Variants in FIZ1 observed in about 807,000 individuals in gnomAD.
FIZ1 encodes the protein FLT3 interacting zinc finger 1, also known as flt3-interacting zinc finger protein 1.
Under a neutral mutation model 5.3 loss-of-function variants are expected in FIZ1, and 2 were observed. The observed-to-expected ratio is 0.37, with a 90% CI of 0.15 to 1.18. The LOEUF (loss-of-function observed/expected upper bound fraction) is 1.18. Ranked by LOEUF, FIZ1 falls within the 50% of genes most tolerant of loss-of-function variation. The pLI, the probability that FIZ1 is intolerant of heterozygous loss-of-function variation, is 0.37. For synonymous variants in FIZ1, 407 were observed against 364.2 expected (o/e 1.12, Z -1.34); for missense variants, 631 against 749.7 (o/e 0.84, Z 1.85).
rs1876192676 is a variant in FIZ1, at chr19:55,592,325, C to T, written c.*125G>A. ...CCCACCTCTCCAGTCAGGGTCCCCT[C>T]ATTTCAGGGCCTGCGTCTGGATTTG... is the stretch of plus-strand genomic sequence containing the variant. On this transcript the variant is annotated 3_prime_UTR_variant, in exon 3 of 3. Transcript: ENST00000221665. This position sits in a 1 kb window ranked among gnomAD's most constrained non-coding sequence, Gnocchi z 6.9. 1 of 1,032,938 alleles carries T rather than the reference C, an allele frequency of 9.7e-7. No homozygotes were observed. The highest frequency in any genetic ancestry group is 1.6e-5 in the African/African-American group (1 of 61,048). 64.0% of individuals were successfully genotyped at this position (1,032,938 alleles called of 1,614,324 possible).
intron 1 of FIZ1, chr19:55,598,216 T>A (rs56134537): frequency 0.092 from 28,494 of 311,230 alleles, 1,516 homozygotes; most frequent in Middle Eastern, 0.13. Context: ...TTTAAGCCTC[T>A]CCCACTCTTC....
chr19:55,592,293 G>T lies in FIZ1; in HGVS notation c.*157C>A. On this transcript the variant is annotated 3_prime_UTR_variant, in exon 3 of 3. Transcript: ENST00000221665. The surrounding 1 kb of genome is among the most constrained non-coding windows in gnomAD (Gnocchi z 6.9). Reference sequence around the variant, plus strand: ...AGCTCCGGGGCCTTTGTGGGTTTTTGGTGGCCCCCACCTCTCCAGTCAGGG... The same window carrying T: ...AGCTCCGGGGCCTTTGTGGGTTTTTTGTGGCCCCCACCTCTCCAGTCAGGG... 3 of 791,742 alleles carry T rather than the reference G, an allele frequency of 3.8e-6. No homozygotes were observed. Among genetic ancestry groups the T allele is most frequent in the Non-Finnish European group, 5.7e-6 (3 of 524,498 alleles). The allele number at this position is 791,742 out of a possible 1,614,324, so 49.0% of individuals were successfully genotyped here. A position where few individuals can be genotyped will look rare whatever the true frequency, so the allele number is the denominator to read the frequency against.
chr19:55,593,172 C>A lies in FIZ1; in HGVS notation c.769G>T (p.Ala257Ser). Residue 257 changes from alanine (A) to serine (S), a missense_variant, in exon 3 of 3, where the codon GCG becomes TCG. Ala to Ser is a moderately conservative substitution (Grantham distance 99, BLOSUM62 1). Around this residue, in one of 4 missense-constraint regions of FIZ1, gnomAD observed 463 missense variants for 455.1 expected, o/e 1.02. Transcript: ENST00000221665. The surrounding 1 kb of genome is among the most constrained non-coding windows in gnomAD (Gnocchi z 6.3). ...GCGGCCCAGGCCTGCGCTGGGGGCG[C>A]GCCCGGGCCCTGCAGGTCGTGCGTC... is the stretch of plus-strand genomic sequence containing the variant. ...KLTHDLQGPG[A>S]PPAQAWAAGP... 5.2e-6 allele frequency: 6 copies of A among 1,161,356 alleles called. No individual in the cohort carries two copies. The highest frequency in any genetic ancestry group is 6.4e-6 in the Non-Finnish European group (6 of 938,270). The allele number at this position is 1,161,356 out of a possible 1,614,324, so 71.9% of individuals were successfully genotyped here.
In FIZ1 at chr19:55,597,816, G is replaced by A; in HGVS notation, c.50C>T (p.Ala17Val). ...GCAGTGAAACGGGACCCTGGGGGCG[G>A]CAGCGGCGGGCGGTGCTGGTGCAGG... Reference protein sequence around the residue: ...PTPAPAPPAAAAPRVPFHCSE... With the variant: ...PTPAPAPPAAVAPRVPFHCSE... Residue 17 changes from alanine to valine, a missense_variant, in exon 2 of 3, where the codon GCC becomes GTC. Transcript: ENST00000221665. 1.2e-6 allele frequency: 2 copies of A among 1,612,210 alleles called. No individual in the cohort carries two copies. The highest frequency in any genetic ancestry group is 1.7e-6 in the Non-Finnish European group (2 of 1,179,198).
intron 2 of FIZ1, among the ~76,000 whole-genome samples, chr19:55,595,248 T>G (rs1318564455): frequency 1.3e-5 from 2 of 151,818 alleles, no homozygotes; most frequent in Middle Eastern, 3.2e-3. Flanking sequence ...GAACAGGGAG[T>G]GATGTTCATT....
At chr19:55,595,298 T>A (rs889404651) in intron 2 of FIZ1, among the ~76,000 whole-genome samples, 2 of 152,208 alleles carry the variant, frequency 1.3e-5, no homozygotes, top group Non-Finnish European at 2.9e-5. Context: ...TGCTGTACAG[T>A]GTGGGTGTAG....
chr19:55,593,795 T>C lies in FIZ1; in HGVS notation c.295-149A>G, dbSNP rs10411640. 128,544 of 735,980 alleles carry C rather than the reference T, an allele frequency of 0.17. 13,189 individuals carry two copies. Among genetic ancestry groups the C allele is most frequent in the African/African-American group, 0.34 (19,348 of 56,284 alleles). 45.6% of individuals were successfully genotyped at this position (735,980 alleles called of 1,614,324 possible). The stretch of plus-strand genomic sequence containing the variant: ...GAAACGCTCGTCCTATCACTCTCTG[T>C]TTGGGGTCACGGTAGATTCTTTCGG... On this transcript the variant is annotated intron_variant, in intron 2 of 2. Coordinates refer to ENST00000221665, the MANE Select transcript of FIZ1 (RefSeq NM_032836.3). This position sits in a 1 kb window ranked among gnomAD's most constrained non-coding sequence, Gnocchi z 6.3.
intron 2 of FIZ1, among the ~76,000 whole-genome samples, chr19:55,594,725 A>T (rs1980241872): frequency 6.9e-6 from 1 of 145,954 alleles, no homozygotes. Context: ...AAAAGAAATC[A>T]CTATCGGTGG....
In FIZ1 at chr19:55,593,685, G is replaced by C; in HGVS notation, c.295-39C>G. ...AGGAAGGGCACAACGTCAGGGCTGA[G>C]AACCTAGCCCGGACAACGGATTCCT... On this transcript the variant is annotated intron_variant, in intron 2 of 2. Transcript: ENST00000221665. This position sits in a 1 kb window ranked among gnomAD's most constrained non-coding sequence, Gnocchi z 6.3. The C allele has an allele frequency of 6.5e-7, 1 of 1,534,102 alleles. No individual in the cohort carries two copies. Among genetic ancestry groups the C allele is most frequent in the Non-Finnish European group, 8.8e-7 (1 of 1,132,480 alleles).
chr19:55,597,432 G>A, intron 2 of FIZ1, 140 bp downstream of exon 2: 1 of 1,423,220 alleles, frequency 7.0e-7, no homozygotes, highest in Non-Finnish European at 9.2e-7. Flanking sequence ...TTGGTAGGGA[G>A]GGAGGGACAT....
intron 1 of FIZ1, 188 bp from the exon 2 acceptor site, chr19:55,598,089 C>T: frequency 1.5e-6 from 1 of 686,854 alleles, no homozygotes; most frequent in Non-Finnish European, 2.4e-6. Context: ...GGCTCCACGC[C>T]TGTGGCAAAA....
chr19:55,593,135 G>T lies in FIZ1; in HGVS notation c.806C>A (p.Ala269Glu). Residue 269 changes from alanine (A) to glutamate (E), a missense_variant, in exon 3 of 3, where the codon GCA (alanine) becomes GAA (glutamate). Physicochemically the swap from Ala to Glu is moderately radical, Grantham distance 107 (BLOSUM62 -1). Coordinates refer to ENST00000221665, the MANE Select transcript of FIZ1 (RefSeq NM_032836.3). The surrounding 1 kb of genome is among the most constrained non-coding windows in gnomAD (Gnocchi z 6.3). ...PAQAWAAGPG[A>E]GPETAGEGTA... ...GCCTTCGCCCGCCGTCTCGGGCCCT[G>T]CGCCTGGCCCCGCGGCCCAGGCCTG... is the stretch of plus-strand genomic sequence containing the variant. The T allele has an allele frequency of 8.2e-7, 1 of 1,218,416 alleles. No homozygotes were observed. The highest frequency in any genetic ancestry group is 1.0e-6 in the Non-Finnish European group (1 of 975,062). 75.5% of individuals were successfully genotyped at this position (1,218,416 alleles called of 1,614,324 possible).
chr19:55,594,096 C>CA (rs907400776), intron 2 of FIZ1, among the ~76,000 whole-genome samples: 10 of 150,318 alleles, frequency 6.7e-5, no homozygotes, highest in South Asian at 2.2e-4. Flanking sequence ...TCAAAAAAAA[C>CA]AAAAAAACAC....
Position 55,593,947 on chromosome 19 carries a change from A to G in FIZ1, c.295-301T>C, listed in dbSNP as rs138099958. On this transcript the variant is annotated intron_variant, in intron 2 of 2. Transcript: ENST00000221665. The surrounding 1 kb of genome is among the most constrained non-coding windows in gnomAD (Gnocchi z 6.3). ...ACACAGGGAAACCTTGTCTCTACAA[A>G]TAATTTTAAAAACTAGCTGGACACG... Among the ~76,000 whole-genome samples, 3 of 152,206 alleles carry G rather than the reference A, an allele frequency of 2.0e-5. No individual in the cohort carries two copies. In the East Asian group the frequency reaches 5.8e-4, roughly 29 times the overall value.
At chr19:55,596,577 G>C (rs1052384211) in intron 2 of FIZ1, among the ~76,000 whole-genome samples, 5 of 133,020 alleles carry the variant, frequency 3.8e-5, no homozygotes, top group Non-Finnish European at 6.4e-5. Flanking sequence ...TCACACTGCA[G>C]GTTGGCTCAG....
rs138734721 is a variant in FIZ1, at chr19:55,592,711, G to A, written c.1230C>T (p.Gly410=). 1.4e-4 allele frequency: 231 copies of A among 1,612,760 alleles called. 1 individual carries two copies. Among genetic ancestry groups the A allele is most frequent in the Middle Eastern group, 6.6e-4 (4 of 6,060 alleles). ...SGEPPSGSGR[G]KKIFGCSECE... ...ACTCGGAGCAGCCGAAGATCTTCTT[G>A]CCGCGGCCGGAGCCAGACGGGGGTT... is the stretch of plus-strand genomic sequence containing the variant. The change falls in exon 3 of 3, where the codon GGC becomes GGT. Residue 410 remains glycine (G), a synonymous_variant. Transcript: ENST00000221665. The surrounding 1 kb of genome is among the most constrained non-coding windows in gnomAD (Gnocchi z 6.9).
In FIZ1 at chr19:55,593,779, G is replaced by A. The variant is rs1472382218; in HGVS notation, c.295-133C>T. 7.6e-6 allele frequency: 6 copies of A among 788,738 alleles called. No homozygotes were observed. The highest frequency in any genetic ancestry group is 4.8e-5 in the Admixed American group (2 of 41,426). The allele number at this position is 788,738 out of a possible 1,614,324, so 48.9% of individuals were successfully genotyped here. ...AGGGCCATGATCTAGGGAAACGCTCGTCCTATCACTCTCTGTTTGGGGTCA... is the reference window on the plus strand; with the variant it reads ...AGGGCCATGATCTAGGGAAACGCTCATCCTATCACTCTCTGTTTGGGGTCA... On this transcript the variant is annotated intron_variant, in intron 2 of 2. Transcript: ENST00000221665. The surrounding 1 kb of genome is among the most constrained non-coding windows in gnomAD (Gnocchi z 6.3).
At chr19:55,595,216 C>T (rs1460511767) in intron 2 of FIZ1, among the ~76,000 whole-genome samples, 5 of 152,124 alleles carry the variant, frequency 3.3e-5, no homozygotes, top group Non-Finnish European at 7.4e-5. Flanking sequence ...TAATGTCTGC[C>T]AGGGGCACAG....
chr19:55,598,182 C>T, intron 1 of FIZ1: 1 of 405,388 alleles, frequency 2.5e-6, no homozygotes, highest in African/African-American at 2.0e-5. Flanking sequence ...GCGGCCACTG[C>T]TCTCTGTGCC....
Sources: allele counts gnomAD v4.1 joint callset (sites outside exome capture counted in the v4.1 genomes callset), GRCh38; gene constraint gnomAD v4.1.1; regional missense constraint gnomAD v4.1.1; non-coding constraint Gnocchi (gnomAD v3.1); transcripts MANE v1.5; gene names NCBI Gene and HGNC (gene_info 2026-07-23, HGNC 2026-07-21).